The following SLC4A7 variants were observed in gnomAD, a reference collection of about 807,000 sequenced individuals.
SLC4A7 encodes the protein sodium bicarbonate cotransporter 3.
A neutral mutation model predicts 137.6 loss-of-function variants in SLC4A7; 51 were observed. The ratio of observed to expected loss-of-function variants is 0.37; its 90% confidence interval spans 0.30 to 0.47. SLC4A7 has a LOEUF of 0.47. Ranked by LOEUF, SLC4A7 falls within the 20% of genes least tolerant of loss-of-function variation. SLC4A7 has a pLI of 1.00. For synonymous variants in SLC4A7, 542 were observed against 518.6 expected (o/e 1.05, Z -0.61); for missense variants, 1,247 against 1,525.4 (o/e 0.82, Z 3.04).
rs537083379 is a variant in SLC4A7, at chr3:27,407,353, C to G, written c.1941+2003G>C. On this transcript the variant is annotated intron_variant, in intron 13 of 25. Coordinates refer to ENST00000454389, the MANE Select transcript of SLC4A7 (RefSeq NM_001321103.2). ...AAATGAGCCCGCCGTGGTGGTGGGC[C>G]CCTGTAGTCCCAGCTACTCAGGAGA... 2.0e-5 allele frequency among the ~76,000 whole-genome samples: 3 copies of G among 151,564 alleles called. No homozygotes were observed. In the South Asian group the frequency reaches 6.3e-4, roughly 32 times the overall value.
chr3:27,479,318 G>A (rs1398851047), intron 1 of SLC4A7, among the ~76,000 whole-genome samples: 2 of 152,074 alleles, frequency 1.3e-5, no homozygotes, highest in African/African-American at 4.8e-5. Context: ...GGAGGCTGAG[G>A]TGGGAGGATC....
chr3:27,398,078 C>A, intron 17 of SLC4A7, 114 bp downstream of exon 17: 1 of 718,132 alleles, frequency 1.4e-6, no homozygotes, highest in Non-Finnish European at 2.3e-6. Flanking sequence ...CTTTATTAAC[C>A]AGTTGGCATG....
chr3:27,424,211 C>T (rs544146565), intron 7 of SLC4A7, 59 bp from the exon 8 acceptor site: 2 of 812,618 alleles, frequency 2.5e-6, no homozygotes, highest in African/African-American at 3.5e-5. Flanking sequence ...CAACCTGATT[C>T]TGCTCACATT....
At chr3:27,440,282 T>G (rs1446820438) in intron 3 of SLC4A7, among the ~76,000 whole-genome samples, 4 of 152,180 alleles carry the variant, frequency 2.6e-5, no homozygotes, top group Non-Finnish European at 5.9e-5. Flanking sequence ...CCTACATTCC[T>G]GGGGTCAGGA....
At chr3:27,466,484 A>G (rs2059004352) in intron 1 of SLC4A7, among the ~76,000 whole-genome samples, 1 of 145,512 alleles carries the variant, frequency 6.9e-6, no homozygotes, top group South Asian at 2.2e-4. Flanking sequence ...GGGGTACATT[A>G]AGGTGCACAA....
At chr3:27,476,000 G>T (rs1360900917) in intron 1 of SLC4A7, among the ~76,000 whole-genome samples, 2 of 152,128 alleles carry the variant, frequency 1.3e-5, no homozygotes, top group African/African-American at 2.4e-5. Flanking sequence ...TAATTGTAAA[G>T]AATAGAATAG....
chr3:27,452,454 T>C lies in SLC4A7; in HGVS notation c.105A>G (p.Ser35=), dbSNP rs367675909. 7 of 1,605,152 alleles carry C rather than the reference T, an allele frequency of 4.4e-6. No homozygotes were observed. The highest frequency in any genetic ancestry group is 1.7e-4 in the Middle Eastern group (1 of 6,052). ...EAVVDLGKTS[S]TVNTKFEKEE... ...CTTTTTCAAACTTGGTGTTCACAGTTGAGCTAGTTTTGCCAAGATCCACAA... is the reference window on the plus strand; with the variant it reads ...CTTTTTCAAACTTGGTGTTCACAGTCGAGCTAGTTTTGCCAAGATCCACAA... The change falls in exon 2 of 26, where the codon TCA becomes TCG. Residue 35 remains serine, a synonymous_variant. Coordinates refer to ENST00000454389, the MANE Select transcript of SLC4A7 (RefSeq NM_001321103.2).
At chr3:27,470,341 T>C (rs1447839839) in intron 1 of SLC4A7, among the ~76,000 whole-genome samples, 1 of 152,074 alleles carries the variant, frequency 6.6e-6, no homozygotes, top group Non-Finnish European at 1.5e-5. Context: ...AATTTATTAA[T>C]ATACATGGAA....
At chr3:27,463,569 G>A (rs534649001) in intron 1 of SLC4A7, among the ~76,000 whole-genome samples, 55 of 152,160 alleles carry the variant, frequency 3.6e-4, no homozygotes, top group Non-Finnish European at 6.8e-4. Context: ...CAAGCCCAAT[G>A]CGGTGGCTAA....
intron 2 of SLC4A7, among the ~76,000 whole-genome samples, chr3:27,449,992 C>T (rs546011359): frequency 6.6e-6 from 1 of 152,230 alleles, no homozygotes; most frequent in South Asian, 2.1e-4. Flanking sequence ...TACTTGTAAC[C>T]ACAAAATCAA....
At chr3:27,399,434 T>C (rs1257956855) in intron 16 of SLC4A7, among the ~76,000 whole-genome samples, 1 of 152,188 alleles carries the variant, frequency 6.6e-6, no homozygotes, top group Non-Finnish European at 1.5e-5. Flanking sequence ...ATCTATGTTT[T>C]TTCTTTTATT....
At position 27,375,158 on chromosome 3, in the gene SLC4A7, C is replaced by T. The variant is rs979393115; in HGVS notation, c.*1606G>A. ...ATAGTTTATAATGAATTTAAAACAC[C>T]AGACTTGCTAAAATTTCAGCTTTTG... is the stretch of plus-strand genomic sequence containing the variant. On this transcript the variant is annotated 3_prime_UTR_variant, in exon 26 of 26. Coordinates refer to ENST00000454389, the MANE Select transcript of SLC4A7 (RefSeq NM_001321103.2). 2 of 151,910 alleles carry T rather than the reference C, an allele frequency of 1.3e-5. No individual in the cohort carries two copies. Among genetic ancestry groups the T allele is most frequent in the African/African-American group, 4.8e-5 (2 of 41,402 alleles). The allele number at this position is 151,910 out of a possible 1,614,324, so 9.4% of individuals were successfully genotyped here. A position where few individuals can be genotyped will look rare whatever the true frequency, so the allele number is the denominator to read the frequency against.
At chr3:27,421,814 CGT>C (rs561453642) in intron 8 of SLC4A7, 35 bp from the exon 9 acceptor site, 1 of 1,544,946 alleles carries the variant, frequency 6.5e-7, no homozygotes, top group South Asian at 1.2e-5. Context: ...ATAAAGTTTC[CGT>C]GGTATTTGTA....
In SLC4A7 at chr3:27,387,915, T is replaced by C. The variant is rs75941355; in HGVS notation, c.3361-1892A>G. Among the ~76,000 whole-genome samples, 1,064 of 152,300 alleles carry C rather than the reference T, an allele frequency of 7.0e-3. 4 individuals carry two copies. The highest frequency in any genetic ancestry group is 0.017 in the Admixed American group (259 of 15,302). On this transcript the variant is annotated intron_variant, in intron 22 of 25. Transcript: ENST00000454389. ...ATACTGCCTCTGGTTTGTGGTACTT[T>C]GTTACAGCAGCCCTTGGAAGCTAAT...
At chr3:27,473,535 T>C (rs1334886918) in intron 1 of SLC4A7, among the ~76,000 whole-genome samples, 2 of 151,504 alleles carry the variant, frequency 1.3e-5, no homozygotes, top group Non-Finnish European at 2.9e-5. Flanking sequence ...CTGGGCAACA[T>C]GGCAAAACCA....
chr3:27,461,207 A>T (rs2150622570), intron 1 of SLC4A7, among the ~76,000 whole-genome samples: 1 of 59,332 alleles, frequency 1.7e-5, no homozygotes, highest in Non-Finnish European at 3.9e-5. Flanking sequence ...TCATCCAATT[A>T]GCACACACAC....
chr3:27,381,147 C>T (rs956814253), intron 24 of SLC4A7, among the ~76,000 whole-genome samples: 1 of 152,158 alleles, frequency 6.6e-6, no homozygotes, highest in Non-Finnish European at 1.5e-5. Flanking sequence ...ATGGAAAAAA[C>T]TTTAAACACA....
intron 1 of SLC4A7, among the ~76,000 whole-genome samples, chr3:27,468,682 TG>T (rs2059110842): frequency 6.6e-6 from 1 of 152,206 alleles, no homozygotes; most frequent in Non-Finnish European, 1.5e-5. Context: ...TTAGTCTCAC[TG>T]GATCTGTTTC....
Position 27,408,625 on chromosome 3 carries a change from TAAG to T in SLC4A7, c.1941+728_1941+730del, listed in dbSNP as rs974335603. Among the ~76,000 whole-genome samples the T allele has an allele frequency of 7.2e-5, 11 of 152,178 alleles. 1 individual carries two copies. The highest frequency in any genetic ancestry group is 2.4e-4 in the African/African-American group (10 of 41,450). On this transcript the variant is annotated intron_variant, in intron 13 of 25. Transcript: ENST00000454389. The stretch of plus-strand genomic sequence containing the variant: ...TAAATACAATTAAGTAAAATGCACT[TAAG>T]AATTACAAATCGTCTCATTTAAATG...
Sources: gnomAD v4.1 joint callset for allele counts (sites outside exome capture counted in the v4.1 genomes callset) on GRCh38, gnomAD v4.1.1 for gene constraint, MANE v1.5 for transcripts, NCBI Gene and HGNC (gene_info 2026-07-23, HGNC 2026-07-21) for gene names.